Variants in LRRC4C observed in about 807,000 individuals in gnomAD.
LRRC4C encodes leucine-rich repeat-containing protein 4C.
A neutral mutation model predicts 33.6 loss-of-function variants in LRRC4C; 5 were observed. The ratio of observed to expected loss-of-function variants is 0.15; its 90% CI spans 0.08 to 0.31. The LOEUF (loss-of-function observed/expected upper bound fraction) is 0.31, where lower values mean the gene tolerates loss of function less well. Ranked by LOEUF, LRRC4C falls within the 10% of genes least tolerant of loss-of-function variation. The probability of loss-of-function intolerance (pLI) is 1.00; values close to 1 mark genes in which losing one functional copy is unlikely to be tolerated. For missense variants in LRRC4C, 560 were observed against 796.7 expected (o/e 0.70, Z 3.58); for synonymous variants, 329 against 302.0 (o/e 1.09, Z -0.93).
At chr11:41,100,802 C>A (rs1382475442) in intron 1 of LRRC4C, among the ~76,000 whole-genome samples, 1 of 152,036 alleles carries the variant, frequency 6.6e-6, no homozygotes, top group African/African-American at 2.4e-5. Context: ...CACTACAGGG[C>A]TGCAGTAACC....
chr11:40,594,632 G>T (rs1959188301), intron 3 of LRRC4C, among the ~76,000 whole-genome samples: 1 of 152,092 alleles, frequency 6.6e-6, no homozygotes, highest in African/African-American at 2.4e-5. Flanking sequence ...AAAAATAGAG[G>T]TTAAGCAGTT....
intron 3 of LRRC4C, among the ~76,000 whole-genome samples, chr11:40,552,555 T>G (rs1200047600): frequency 6.6e-6 from 1 of 152,198 alleles, no homozygotes; most frequent in Non-Finnish European, 1.5e-5. Context: ...GGGCACTGGA[T>G]GTCCAGTAGA....
At chr11:40,807,302 C>T (rs759303434) in intron 2 of LRRC4C, among the ~76,000 whole-genome samples, 6 of 152,194 alleles carry the variant, frequency 3.9e-5, no homozygotes, top group East Asian at 1.9e-4. Context: ...ACTAGTCCTG[C>T]GACAGGCTTC....
chr11:40,715,555 G>C (rs1946662271), intron 2 of LRRC4C, among the ~76,000 whole-genome samples: 1 of 152,182 alleles, frequency 6.6e-6, no homozygotes, highest in South Asian at 2.1e-4. Context: ...CCATATCCTA[G>C]AAAATCCTTG....
At chr11:41,363,517 C>T (rs1342158352) in intron 1 of LRRC4C, among the ~76,000 whole-genome samples, 2 of 152,120 alleles carry the variant, frequency 1.3e-5, no homozygotes, top group Non-Finnish European at 2.9e-5. Context: ...GGACTAATGA[C>T]CTTAAGTCCC....
intron 3 of LRRC4C, among the ~76,000 whole-genome samples, chr11:40,340,048 G>A (rs545287788): frequency 6.6e-6 from 1 of 152,100 alleles, no homozygotes; most frequent in South Asian, 2.1e-4. Flanking sequence ...AATTTTAATT[G>A]AGAAACCATT....
intron 5 of LRRC4C, among the ~76,000 whole-genome samples, chr11:40,171,988 G>A (rs1340765337): frequency 6.6e-6 from 1 of 152,134 alleles, no homozygotes; most frequent in African/African-American, 2.4e-5. Context: ...CTGCACTCCG[G>A]CCTGGGCAAC....
intron 3 of LRRC4C, among the ~76,000 whole-genome samples, chr11:40,499,776 A>C (rs1356167425): frequency 6.6e-6 from 1 of 152,206 alleles, no homozygotes; most frequent in Non-Finnish European, 1.5e-5. Context: ...GAAAGGGGAA[A>C]TGAGTAGTTA....
chr11:41,443,922 C>T (rs548547245), intron 1 of LRRC4C, among the ~76,000 whole-genome samples: 192 of 152,044 alleles, frequency 1.3e-3, no homozygotes, highest in African/African-American at 4.3e-3. Context: ...TGCGCCCAGC[C>T]GGGAGCCTCA....
chr11:40,747,189 C>T (rs1490910449), intron 2 of LRRC4C, among the ~76,000 whole-genome samples: 1 of 152,194 alleles, frequency 6.6e-6, no homozygotes, highest in Non-Finnish European at 1.5e-5. Context: ...TTGTTGCCAC[C>T]ACTGGGGCCC....
intron 1 of LRRC4C, among the ~76,000 whole-genome samples, chr11:41,110,004 TG>T (rs1941736440): frequency 6.6e-6 from 1 of 152,070 alleles, no homozygotes; most frequent in Non-Finnish European, 1.5e-5. Flanking sequence ...AACCTCTTTA[TG>T]GGGAAATTCC....
At chr11:40,947,737 G>A (rs944383234) in intron 1 of LRRC4C, among the ~76,000 whole-genome samples, 5 of 151,428 alleles carry the variant, frequency 3.3e-5, no homozygotes, top group East Asian at 3.9e-4. Context: ...TTTTCTCTCC[G>A]CAGCTCTCCC....
At chr11:40,948,106 G>C (rs1958494104) in intron 1 of LRRC4C, among the ~76,000 whole-genome samples, 1 of 152,018 alleles carries the variant, frequency 6.6e-6, no homozygotes, top group Non-Finnish European at 1.5e-5. Context: ...TGGCTCAAAG[G>C]AAGCCTGGAT....
At chr11:40,423,151 A>T (rs532082717) in intron 3 of LRRC4C, among the ~76,000 whole-genome samples, 2 of 152,166 alleles carry the variant, frequency 1.3e-5, no homozygotes, top group African/African-American at 4.8e-5. Flanking sequence ...AGTGTCACCA[A>T]ATGCTAAAAG....
chr11:40,328,801 C>A (rs1399052142), intron 3 of LRRC4C, among the ~76,000 whole-genome samples: 1 of 152,180 alleles, frequency 6.6e-6, no homozygotes, highest in East Asian at 1.9e-4. Context: ...GGGTTACTTG[C>A]ATTTGGAGTG....
At chr11:40,852,261 T>G (rs2135753388) in intron 2 of LRRC4C, among the ~76,000 whole-genome samples, 1 of 152,250 alleles carries the variant, frequency 6.6e-6, no homozygotes, top group Non-Finnish European at 1.5e-5. Flanking sequence ...GAGTTGAAAT[T>G]ATGTATGACA....
chr11:41,162,410 A>G (rs1224854225), intron 1 of LRRC4C, among the ~76,000 whole-genome samples: 1 of 152,170 alleles, frequency 6.6e-6, no homozygotes, highest in African/African-American at 2.4e-5. Flanking sequence ...TGATACCCAT[A>G]ATTTCAGAAC....
At chr11:41,041,699 T>C (rs1857450760) in intron 1 of LRRC4C, among the ~76,000 whole-genome samples, 1 of 152,070 alleles carries the variant, frequency 6.6e-6, no homozygotes, top group Admixed American at 6.6e-5. Context: ...TCACATATAC[T>C]TTCATACATA....
Position 40,987,629 on chromosome 11 carries a change from T to C in LRRC4C, c.-495-53906A>G, listed in dbSNP as rs1010279099. Among the ~76,000 whole-genome samples the C allele has an allele frequency of 8.6e-4, 77 of 89,376 alleles. 2 individuals carry two copies. The highest frequency in any genetic ancestry group is 1.6e-3 in the Non-Finnish European group (70 of 42,784). The allele number at this position is 89,376 out of a possible 152,430, so 58.6% of individuals were successfully genotyped here. On this transcript the variant is annotated intron_variant, in intron 1 of 6. Transcript: ENST00000528697. ...GGGCTCTGCAGGTACAAGTGGGTAA[T>C]GATATATATATATATATATATATCT...
Sources: gnomAD v4.1 joint callset for allele counts (sites outside exome capture counted in the v4.1 genomes callset) on GRCh38, gnomAD v4.1.1 for gene constraint, MANE v1.5 for transcripts, NCBI Gene and HGNC (gene_info 2026-07-23, HGNC 2026-07-21) for gene names.